The following SUGCT variants were observed in gnomAD, a reference collection of about 807,000 sequenced individuals.
SUGCT encodes the protein succinyl-CoA:glutarate-CoA transferase, also known as succinyl-CoA:glutarate CoA-transferase.
SUGCT carries 41 observed loss-of-function variants against 55.0 expected under a neutral mutation model. The ratio of observed to expected loss-of-function variants is 0.74; its 90% CI spans 0.58 to 0.97. SUGCT has a LOEUF of 0.97. SUGCT is among the 50% of genes least tolerant of loss of function. The pLI, the probability that SUGCT is intolerant of heterozygous loss-of-function variation, is 0.00. For missense variants in SUGCT, 568 were observed against 547.8 expected (o/e 1.04, Z -0.37); for synonymous variants, 187 against 200.4 (o/e 0.93, Z 0.56).
In SUGCT at chr7:40,498,579, CA is replaced by C. The variant is rs917818846; in HGVS notation, c.1089+2194del. ...AAACCCTTGGTGATCTGAGGGAACT[CA>C]GTGTAACATAATGGTTAAGACCATG... On this transcript the variant is annotated intron_variant, in intron 12 of 13. Coordinates refer to ENST00000335693, the MANE Select transcript of SUGCT (RefSeq NM_001193313.2). Among the ~76,000 whole-genome samples the C allele has an allele frequency of 2.0e-4, 31 of 152,258 alleles. 1 individual carries two copies. The highest frequency in any genetic ancestry group is 7.5e-4 in the African/African-American group (31 of 41,556).
chr7:40,958,576 G>C, the SUGCT span, among the ~76,000 whole-genome samples: 210 of 151,880 alleles, frequency 1.4e-3, 2 homozygotes, highest in African/African-American at 4.9e-3. Flanking sequence ...CTTTTATCAA[G>C]GTTCTTAGCT....
chr7:40,731,218 T>C (rs1562968539), intron 12 of SUGCT, among the ~76,000 whole-genome samples: 1 of 152,218 alleles, frequency 6.6e-6, no homozygotes, highest in Admixed American at 6.5e-5. Flanking sequence ...TTTCAATTCA[T>C]CTAATTATCT....
At chr7:40,565,765 T>C (rs558471504) in intron 12 of SUGCT, among the ~76,000 whole-genome samples, 1 of 152,282 alleles carries the variant, frequency 6.6e-6, no homozygotes, top group East Asian at 1.9e-4. Flanking sequence ...TGATGTTCTC[T>C]AGCACACTAA....
At chr7:40,559,339 G>A (rs1169298050) in intron 12 of SUGCT, among the ~76,000 whole-genome samples, 2 of 152,224 alleles carry the variant, frequency 1.3e-5, no homozygotes, top group Admixed American at 6.5e-5. Context: ...TGGTGTTTGA[G>A]TGTTTTAGAC....
intron 12 of SUGCT, among the ~76,000 whole-genome samples, chr7:40,562,277 C>T (rs1275837596): frequency 7.0e-5 from 10 of 142,336 alleles, no homozygotes; most frequent in Admixed American, 2.9e-4. Flanking sequence ...CCAGCCTGGG[C>T]GACAGAGCGA....
intron 12 of SUGCT, among the ~76,000 whole-genome samples, chr7:40,612,641 T>A (rs1798820702): frequency 6.6e-6 from 1 of 152,220 alleles, no homozygotes; most frequent in Admixed American, 6.5e-5. Context: ...CAACTCTCTG[T>A]GCCTTTTCTC....
chr7:40,553,563 G>T (rs1397556730), intron 12 of SUGCT, among the ~76,000 whole-genome samples: 1 of 152,044 alleles, frequency 6.6e-6, no homozygotes, highest in Non-Finnish European at 1.5e-5. Context: ...TCTAAATATA[G>T]ATATTTATGT....
chr7:40,731,915 G>A (rs1337419151), intron 12 of SUGCT, among the ~76,000 whole-genome samples: 2 of 152,004 alleles, frequency 1.3e-5, no homozygotes, highest in African/African-American at 2.4e-5. Flanking sequence ...GATTGATTCC[G>A]GTCTTTGTTT....
intron 12 of SUGCT, among the ~76,000 whole-genome samples, chr7:40,552,817 C>A: frequency 8.3e-6 from 1 of 120,326 alleles, no homozygotes; most frequent in Non-Finnish European, 1.6e-5. Context: ...TTGTATTAAT[C>A]AATTGGTTCA....
At position 40,450,698 on chromosome 7, in the gene SUGCT, C is replaced by G. The variant is rs62451201; in HGVS notation, c.888+1340C>G. ...CTGAGGCAGGAGAATTGCTTGAACC[C>G]GGGAGGCGGAGGTTGCAGTGAGCCG... is the stretch of plus-strand genomic sequence containing the variant. On this transcript the variant is annotated intron_variant, in intron 10 of 13. Coordinates refer to ENST00000335693, the MANE Select transcript of SUGCT (RefSeq NM_001193313.2). Among the ~76,000 whole-genome samples the G allele has an allele frequency of 5.5e-3, 827 of 151,730 alleles. 5 individuals are homozygous for G. Among genetic ancestry groups the G allele is most frequent in the Non-Finnish European group, 6.4e-3 (437 of 67,928 alleles).
the SUGCT span, among the ~76,000 whole-genome samples, chr7:40,903,960 CTT>C: frequency 1.3e-5 from 2 of 152,180 alleles, no homozygotes; most frequent in Non-Finnish European, 2.9e-5. Flanking sequence ...AGATGAACCT[CTT>C]GGAAGGCAGT....
intron 12 of SUGCT, among the ~76,000 whole-genome samples, chr7:40,743,718 A>T (rs1213388946): frequency 6.6e-6 from 1 of 152,156 alleles, no homozygotes; most frequent in Non-Finnish European, 1.5e-5. Flanking sequence ...AAAGCCACAC[A>T]TCTTGTACCT....
the SUGCT span, among the ~76,000 whole-genome samples, chr7:41,008,650 T>C: frequency 1.3e-5 from 2 of 151,788 alleles, 1 homozygote; most frequent in Non-Finnish European, 2.9e-5. Flanking sequence ...CTGCCAGCTC[T>C]GGAAGCTTGG....
chr7:40,692,474 C>A (rs980123143), intron 12 of SUGCT, among the ~76,000 whole-genome samples: 1 of 152,000 alleles, frequency 6.6e-6, no homozygotes, highest in African/African-American at 2.4e-5. Context: ...TTTGGACTTC[C>A]GTGGTACAGC....
At chr7:40,483,182 A>G (rs555085934) in intron 11 of SUGCT, among the ~76,000 whole-genome samples, 1 of 152,278 alleles carries the variant, frequency 6.6e-6, no homozygotes, top group South Asian at 2.1e-4. Context: ...TAGTTACTGA[A>G]TTGTAGACTC....
At chr7:40,304,469 G>C (rs1009418404) in intron 8 of SUGCT, among the ~76,000 whole-genome samples, 14 of 150,794 alleles carry the variant, frequency 9.3e-5, no homozygotes, top group Admixed American at 4.6e-4. Context: ...GGTTTTGGGG[G>C]AACAGGTGTG....
chr7:40,641,482 T>G (rs1800266166), intron 12 of SUGCT, among the ~76,000 whole-genome samples: 1 of 152,104 alleles, frequency 6.6e-6, no homozygotes, highest in Non-Finnish European at 1.5e-5. Flanking sequence ...CACTCTTGGG[T>G]GCGGTGGGGT....
chr7:40,740,880 G>A (rs1787425688), intron 12 of SUGCT, among the ~76,000 whole-genome samples: 1 of 151,926 alleles, frequency 6.6e-6, no homozygotes, highest in Non-Finnish European at 1.5e-5. Context: ...AGAACTTTTG[G>A]TCATCAAAAC....
chr7:40,351,880 C>T (rs571915932), intron 9 of SUGCT, among the ~76,000 whole-genome samples: 1 of 152,280 alleles, frequency 6.6e-6, no homozygotes, highest in Admixed American at 6.5e-5. Flanking sequence ...GCTTCTCAAC[C>T]CTAGCTGCAC....
Sources: gnomAD v4.1 joint callset for allele counts (sites outside exome capture counted in the v4.1 genomes callset) on GRCh38, gnomAD v4.1.1 for gene constraint, MANE v1.5 for transcripts, NCBI Gene and HGNC (gene_info 2026-07-23, HGNC 2026-07-21) for gene names.